Variants in PRDM14 observed in about 807,000 individuals in gnomAD.
The protein encoded by PRDM14 is PR domain zinc finger protein 14.
PRDM14 carries 16 observed loss-of-function variants against 48.0 expected under a neutral mutation model. The ratio of observed to expected loss-of-function variants is 0.33; its 90% CI spans 0.23 to 0.51. The LOEUF is 0.51. Ranked by LOEUF, PRDM14 falls within the 20% of genes least tolerant of loss-of-function variation. PRDM14 has a pLI of 0.97. For synonymous variants in PRDM14, 264 were observed against 276.6 expected (o/e 0.95, Z 0.45); for missense variants, 566 against 719.6 (o/e 0.79, Z 2.44).
At chr8:70,058,315 G>A (rs111312888) in intron 6 of PRDM14, among the ~76,000 whole-genome samples, 2 of 152,140 alleles carry the variant, frequency 1.3e-5, no homozygotes, top group African/African-American at 4.8e-5. Context: ...CCTGCCACCA[G>A]TATAAATCAG....
intron 5 of PRDM14, among the ~76,000 whole-genome samples, chr8:70,063,659 A>G (rs1330184846): frequency 6.6e-6 from 1 of 151,678 alleles, no homozygotes; most frequent in East Asian, 2.0e-4. Flanking sequence ...AGTAGCTGGG[A>G]TTACAGGCAT....
At chr8:70,062,444 C>T (rs1165603778) in intron 5 of PRDM14, among the ~76,000 whole-genome samples, 1 of 151,964 alleles carries the variant, frequency 6.6e-6, no homozygotes, top group Non-Finnish European at 1.5e-5. Context: ...GAACCAAAGT[C>T]TAAATATAAA....
At chr8:70,054,934 G>C (rs1805447395) in intron 7 of PRDM14, among the ~76,000 whole-genome samples, 1 of 151,578 alleles carries the variant, frequency 6.6e-6, no homozygotes, top group African/African-American at 2.4e-5. Context: ...CAATTCTCCA[G>C]CCTCAGCCTC....
At chr8:70,055,674 T>TA (rs1805461709) in intron 6 of PRDM14, among the ~76,000 whole-genome samples, 2 of 152,084 alleles carry the variant, frequency 1.3e-5, no homozygotes, top group South Asian at 4.1e-4. Flanking sequence ...CCAGCTAACT[T>TA]AAAAAATTTT....
chr8:70,063,259 C>T (rs1186444959), intron 5 of PRDM14, among the ~76,000 whole-genome samples: 1 of 151,886 alleles, frequency 6.6e-6, no homozygotes, highest in Non-Finnish European at 1.5e-5. Context: ...AATGGCGAAA[C>T]CCCATCTCTA....
At chr8:70,070,979 C>T (rs1805757076) in intron 1 of PRDM14, among the ~76,000 whole-genome samples, 171 bp downstream of exon 1, 1 of 152,194 alleles carries the variant, frequency 6.6e-6, no homozygotes, top group South Asian at 2.1e-4. Flanking sequence ...TCCAAAGGCG[C>T]CCTTCTCCTA....
At chr8:70,070,670 T>C (rs78632565) in intron 1 of PRDM14, among the ~76,000 whole-genome samples, 14,098 of 152,126 alleles carry the variant, frequency 0.093, 923 homozygotes, top group East Asian at 0.37. Flanking sequence ...ACCAGGACTA[T>C]TGGGGCCTGG....
chr8:70,069,612 G>A lies in PRDM14; in HGVS notation c.249C>T (p.Gly83=). ...MAPPLLSPGL[G]LQREPLYDLP... ...GATCGTAGAGAGGCTCCCTCTGTAG[G>A]CCCAGACCCGGGCTCAGCAAGGGAG... is the stretch of plus-strand genomic sequence containing the variant. Residue 83 remains glycine, a synonymous_variant, in exon 2 of 8, where the codon GGC becomes GGT. Transcript: ENST00000276594. The A allele has an allele frequency of 1.3e-6, 2 of 1,582,544 alleles. No individual in the cohort carries two copies. The highest frequency in any genetic ancestry group is 1.7e-6 in the Non-Finnish European group (2 of 1,164,854).
chr8:70,052,801 G>A (rs1450578738), intron 7 of PRDM14, among the ~76,000 whole-genome samples: 1 of 143,544 alleles, frequency 7.0e-6, no homozygotes, highest in African/African-American at 2.6e-5. Context: ...GGAGGCGGAG[G>A]TTGCAGTAAG....
intron 5 of PRDM14, among the ~76,000 whole-genome samples, chr8:70,064,326 T>A (rs1419770412): frequency 2.0e-5 from 3 of 152,096 alleles, no homozygotes; most frequent in Non-Finnish European, 4.4e-5. Context: ...TGAGCCTGAT[T>A]GCCTTCCCTC....
At chr8:70,052,392 T>C in intron 7 of PRDM14, 88 bp from the exon 8 acceptor site, 1 of 1,068,462 alleles carries the variant, frequency 9.4e-7, no homozygotes, top group Middle Eastern at 3.0e-4. Flanking sequence ...ATTTCACTGT[T>C]GCTCATCCTT....
Position 70,069,257 on chromosome 8 carries a change from G to C in PRDM14, c.604C>G (p.Leu202Val), listed in dbSNP as rs889482883. Residue 202 changes from leucine to valine, a missense_variant, in exon 2 of 8, where the codon CTG becomes GTG. Physicochemically the swap from Leu to Val is conservative, Grantham distance 32. Coordinates refer to ENST00000276594, the MANE Select transcript of PRDM14 (RefSeq NM_024504.4). ...PARFQFTEED[L>V]HFVLYGVTPS... ...GTGACCCCGTACAGAACGAAGTGCA[G>C]GTCCTCCTCCGTGAACTGGAACCGA... is the stretch of plus-strand genomic sequence containing the variant. 1.9e-6 allele frequency: 3 copies of C among 1,608,506 alleles called. No individual in the cohort carries two copies. Among genetic ancestry groups the C allele is most frequent in the African/African-American group, 2.7e-5 (2 of 74,896 alleles).
intron 5 of PRDM14, among the ~76,000 whole-genome samples, chr8:70,063,202 G>C (rs930385857): frequency 5.9e-5 from 9 of 152,150 alleles, no homozygotes; most frequent in African/African-American, 1.9e-4. Flanking sequence ...GGGAGGCCAA[G>C]GTGGGTGGAT....
intron 1 of PRDM14, 48 bp from the exon 2 acceptor site, chr8:70,069,932 G>T: frequency 1.6e-6 from 2 of 1,234,576 alleles, no homozygotes; most frequent in South Asian, 1.5e-5. Flanking sequence ...GAGCTTCCCG[G>T]GGTCCGACCC....
chr8:70,067,639 A>G (rs183007801), intron 4 of PRDM14, among the ~76,000 whole-genome samples: 1 of 152,132 alleles, frequency 6.6e-6, no homozygotes, highest in Non-Finnish European at 1.5e-5. Flanking sequence ...TATTCCACAT[A>G]GCCTCAATTT....
chr8:70,070,713 T>C (rs1204925892), intron 1 of PRDM14, among the ~76,000 whole-genome samples: 4 of 152,288 alleles, frequency 2.6e-5, no homozygotes, highest in South Asian at 4.1e-4. Context: ...GGACGAGCCC[T>C]GGCCAGGTGG....
chr8:70,066,385 G>C lies in PRDM14; in HGVS notation c.1033C>G (p.Gln345Glu). 2 of 1,614,166 alleles carry C rather than the reference G, an allele frequency of 1.2e-6. No individual in the cohort carries two copies. The highest frequency in any genetic ancestry group is 1.7e-6 in the Non-Finnish European group (2 of 1,180,032). The part of the protein sequence containing the change: ...KEQNLVAVQC[Q>E]GHIFYESCKE... ...CAGCTCTCATAAAATATATGCCCTT[G>C]ACACTGCACAGCAACTAGGTTCTGC... Residue 345 changes from glutamine (Q) to glutamate (E), a missense_variant, in exon 5 of 8, where the codon CAA becomes GAA. Physicochemically the swap from Gln to Glu is conservative, Grantham distance 29 (BLOSUM62 2). Coordinates refer to ENST00000276594, the MANE Select transcript of PRDM14 (RefSeq NM_024504.4).
intron 1 of PRDM14, among the ~76,000 whole-genome samples, chr8:70,070,545 G>T (rs944595681): frequency 6.6e-6 from 1 of 152,192 alleles, no homozygotes; most frequent in East Asian, 1.9e-4. Flanking sequence ...CTGACTGCCC[G>T]CAGGGGAGGG....
intron 6 of PRDM14, among the ~76,000 whole-genome samples, chr8:70,056,011 G>A (rs1464685096): frequency 1.3e-5 from 2 of 152,190 alleles, no homozygotes; most frequent in East Asian, 3.9e-4. Context: ...TACAAGTACT[G>A]TGCAATTAAC....
Sources: gnomAD v4.1 joint callset for allele counts (sites outside exome capture counted in the v4.1 genomes callset) on GRCh38, gnomAD v4.1.1 for gene constraint, MANE v1.5 for transcripts, NCBI Gene and HGNC (gene_info 2026-07-23, HGNC 2026-07-21) for gene names.